Variants in SEMA5A observed in about 807,000 individuals in gnomAD.
SEMA5A encodes the protein semaphorin 5A.
SEMA5A carries 55 observed loss-of-function variants against 135.5 expected under a neutral mutation model. The observed-to-expected ratio is 0.41, with a 90% CI of 0.33 to 0.51. SEMA5A has a LOEUF of 0.51. Among genes scored for constraint, SEMA5A ranks in the 20% least tolerant of loss-of-function variants. The probability of loss-of-function intolerance (pLI) is 0.37; values close to 1 mark genes in which losing one functional copy is unlikely to be tolerated. For synonymous variants in SEMA5A, 580 were observed against 546.5 expected, an observed-to-expected ratio of 1.06 and a Z score of -0.85; for missense variants, 1,290 against 1,419.9, an observed-to-expected ratio of 0.91 and a Z score of 1.47.
At chr5:9,180,902 T>C (rs1293142192) in intron 11 of SEMA5A, among the ~76,000 whole-genome samples, 3 of 152,246 alleles carry the variant, frequency 2.0e-5, no homozygotes, top group Admixed American at 6.5e-5. Flanking sequence ...ACATTGTTTG[T>C]CTTTTCTACA....
At chr5:9,221,384 G>C (rs1437962044) in intron 8 of SEMA5A, among the ~76,000 whole-genome samples, 1 of 144,346 alleles carries the variant, frequency 6.9e-6, no homozygotes, top group Admixed American at 7.2e-5. Flanking sequence ...CTTACTGCAA[G>C]CTCCGCCTCC....
chr5:9,079,738 A>G (rs1007482139), intron 16 of SEMA5A, among the ~76,000 whole-genome samples: 3 of 152,208 alleles, frequency 2.0e-5, no homozygotes, highest in African/African-American at 7.2e-5. Flanking sequence ...TGGGTGAAGG[A>G]TATGAACAGA....
chr5:9,373,584 A>G (rs1388239160), intron 3 of SEMA5A, among the ~76,000 whole-genome samples: 2 of 152,228 alleles, frequency 1.3e-5, no homozygotes, highest in African/African-American at 2.4e-5. Context: ...CAATAAACCC[A>G]TAAGTAGGAG....
intron 11 of SEMA5A, among the ~76,000 whole-genome samples, chr5:9,166,418 G>A (rs990624780): frequency 4.6e-5 from 7 of 152,146 alleles, no homozygotes; most frequent in African/African-American, 1.2e-4. Flanking sequence ...CAGGGTCGGC[G>A]GCCACTAAGT....
At chr5:9,337,684 C>A (rs1296696332) in intron 4 of SEMA5A, 29 bp downstream of exon 4, 1 of 1,505,092 alleles carries the variant, frequency 6.6e-7, no homozygotes, top group Admixed American at 1.7e-5. Flanking sequence ...CCAAAAATAT[C>A]TGTGGTGGCA....
chr5:9,113,948 T>C (rs1006113026), intron 15 of SEMA5A, among the ~76,000 whole-genome samples: 2 of 152,180 alleles, frequency 1.3e-5, no homozygotes, highest in Non-Finnish European at 2.9e-5. Context: ...CTCCTAGATA[T>C]ACAGTATACA....
intron 16 of SEMA5A, among the ~76,000 whole-genome samples, chr5:9,104,665 G>T (rs1739809490): frequency 6.6e-6 from 1 of 151,900 alleles, no homozygotes; most frequent in Admixed American, 6.6e-5. Context: ...CAACCATGTG[G>T]AGAAGTAGAA....
chr5:9,118,878 G>T (rs1740656509), intron 15 of SEMA5A, 120 bp downstream of exon 15: 1 of 1,275,896 alleles, frequency 7.8e-7, no homozygotes, highest in Admixed American at 2.8e-5. Flanking sequence ...CTGGCTCAGC[G>T]GAAAGGGATG....
chr5:9,139,405 T>C (rs1741941830), intron 12 of SEMA5A, among the ~76,000 whole-genome samples: 1 of 152,196 alleles, frequency 6.6e-6, no homozygotes, highest in Non-Finnish European at 1.5e-5. Flanking sequence ...GATGTTACCA[T>C]ATTTTTTAAC....
intron 16 of SEMA5A, among the ~76,000 whole-genome samples, chr5:9,075,726 T>C (rs1236823695): frequency 6.6e-6 from 1 of 152,178 alleles, no homozygotes; most frequent in Non-Finnish European, 1.5e-5. Flanking sequence ...TTGATGGACA[T>C]GTTCACTACC....
chr5:9,168,519 C>T (rs1035598192), intron 11 of SEMA5A, among the ~76,000 whole-genome samples: 2 of 152,140 alleles, frequency 1.3e-5, no homozygotes, highest in African/African-American at 2.4e-5. Context: ...ATCATTGTTA[C>T]CATGTGGGTG....
At chr5:9,118,715 A>C (rs1384167443) in intron 15 of SEMA5A, among the ~76,000 whole-genome samples, 1 of 152,144 alleles carries the variant, frequency 6.6e-6, no homozygotes, top group African/African-American at 2.4e-5. Flanking sequence ...AGTCTCCAGG[A>C]GCCTAGCACA....
At chr5:9,406,218 T>G (rs1320130061) in intron 2 of SEMA5A, among the ~76,000 whole-genome samples, 1 of 152,242 alleles carries the variant, frequency 6.6e-6, no homozygotes, top group Non-Finnish European at 1.5e-5. Flanking sequence ...GGCAATGACT[T>G]ACTTACTGCT....
intron 1 of SEMA5A, among the ~76,000 whole-genome samples, chr5:9,461,894 G>A (rs1221795127): frequency 1.3e-5 from 2 of 152,148 alleles, no homozygotes; most frequent in East Asian, 1.9e-4. Flanking sequence ...ACCTAGGAGG[G>A]GACTTCCACT....
At chr5:9,375,881 G>A (rs1755343890) in intron 3 of SEMA5A, among the ~76,000 whole-genome samples, 2 of 151,658 alleles carry the variant, frequency 1.3e-5, no homozygotes, top group African/African-American at 4.8e-5. Flanking sequence ...TCCATCTGGT[G>A]GCTCACAGGA....
chr5:9,314,102 C>T (rs988947978), intron 5 of SEMA5A, among the ~76,000 whole-genome samples: 1 of 152,092 alleles, frequency 6.6e-6, no homozygotes, highest in South Asian at 2.1e-4. Context: ...CATTTTTCTA[C>T]ATTTAAACAA....
intron 4 of SEMA5A, among the ~76,000 whole-genome samples, chr5:9,321,860 G>A (rs1234859208): frequency 3.9e-5 from 6 of 152,100 alleles, no homozygotes; most frequent in Admixed American, 1.3e-4. Flanking sequence ...ACACATACAC[G>A]TGCACATGTA....
rs769845185 is a variant in SEMA5A at position 9,373,525 on chromosome 5, C to T, written c.124+6298G>A. On this transcript the variant is annotated intron_variant, in intron 3 of 22. Transcript: ENST00000382496. Reference sequence around the variant, plus strand: ...GCTAAATGTTGCAAATCCTCTATCACGAGTCCATGCAGCTCTTGCTTAAGT... The same window carrying T: ...GCTAAATGTTGCAAATCCTCTATCATGAGTCCATGCAGCTCTTGCTTAAGT... Among the ~76,000 whole-genome samples the T allele has an allele frequency of 4.6e-5, 7 of 152,174 alleles. No individual in the cohort carries two copies. The East Asian group carries it at 5.8e-4, about 13-fold the overall frequency.
intron 3 of SEMA5A, among the ~76,000 whole-genome samples, chr5:9,348,286 C>T (rs1327903402): frequency 1.3e-5 from 2 of 152,180 alleles, no homozygotes; most frequent in Admixed American, 1.3e-4. Context: ...TGATAAGTGC[C>T]TGGGTTTTAT....
Sources: allele counts gnomAD v4.1 joint callset (sites outside exome capture counted in the v4.1 genomes callset), GRCh38; gene constraint gnomAD v4.1.1; transcripts MANE v1.5; gene names NCBI Gene and HGNC (gene_info 2026-07-23, HGNC 2026-07-21).